The following PPP1R12B variants were observed in gnomAD, a reference collection of about 807,000 sequenced individuals.
The protein encoded by PPP1R12B is myosin phosphatase target subunit 2.
A neutral mutation model predicts 126.1 loss-of-function variants in PPP1R12B; 76 were observed. The observed-to-expected ratio is 0.60, with a 90% CI of 0.50 to 0.73. The LOEUF is 0.73. Among genes scored for constraint, PPP1R12B ranks in the 30% least tolerant of loss-of-function variants. The pLI is 0.00. For synonymous variants in PPP1R12B, 356 were observed against 434.7 expected (o/e 0.82, Z 2.25); for missense variants, 1,052 against 1,205.1 (o/e 0.87, Z 1.88).
chr1:202,524,455 G>A (rs1363845759), intron 18 of PPP1R12B, among the ~76,000 whole-genome samples: 1 of 151,972 alleles, frequency 6.6e-6, no homozygotes, highest in African/African-American at 2.4e-5. Flanking sequence ...TGAGATTTTG[G>A]TGCACCCATC....
At chr1:202,574,920 T>C (rs1558393306) in intron 23 of PPP1R12B, 3 of 1,311,826 alleles carry the variant, frequency 2.3e-6, no homozygotes, top group Non-Finnish European at 3.1e-6. Flanking sequence ...TGTGATTTCT[T>C]TGTCCTACTT....
At chr1:202,354,828 T>TG (rs1656748058) in intron 1 of PPP1R12B, among the ~76,000 whole-genome samples, 1 of 116,650 alleles carries the variant, frequency 8.6e-6, no homozygotes, top group Non-Finnish European at 1.9e-5. Flanking sequence ...TTTTTTTTGT[T>TG]GTTGTTTTTT....
At chr1:202,476,972 A>G (rs1361751293) in intron 13 of PPP1R12B, among the ~76,000 whole-genome samples, 2 of 152,108 alleles carry the variant, frequency 1.3e-5, no homozygotes, top group African/African-American at 4.8e-5. Flanking sequence ...GTTTTATTTT[A>G]CTTAGGTAAC....
At chr1:202,426,487 T>A (rs1246713532) in intron 4 of PPP1R12B, among the ~76,000 whole-genome samples, 2 of 152,090 alleles carry the variant, frequency 1.3e-5, no homozygotes, top group African/African-American at 4.8e-5. Context: ...TAGCAAAAAA[T>A]TGGAGATATG....
intron 13 of PPP1R12B, among the ~76,000 whole-genome samples, chr1:202,452,009 G>A (rs1221851390): frequency 1.3e-5 from 2 of 151,102 alleles, no homozygotes; most frequent in African/African-American, 2.4e-5. Flanking sequence ...GGGCAGAGAC[G>A]CTCCTCACCT....
intron 1 of PPP1R12B, among the ~76,000 whole-genome samples, chr1:202,405,188 T>C (rs992221051): frequency 6.6e-5 from 10 of 152,212 alleles, no homozygotes; most frequent in Admixed American, 6.5e-4. Context: ...TTAGACTTGA[T>C]GGACCCTCAG....
Position 202,588,824 on chromosome 1 carries a change from A to AAGATAGATT in PPP1R12B, c.*8272_*8273insTAGATAGAT, listed in dbSNP as rs1553332027. 1.4e-5 allele frequency: 2 copies of AAGATAGATT among 144,230 alleles called. No individual in the cohort carries two copies. The highest frequency in any genetic ancestry group is 4.5e-4 in the South Asian group (2 of 4,448). The allele number at this position is 144,230 out of a possible 1,614,324, so 8.9% of individuals were successfully genotyped here. A position where few individuals can be genotyped will look rare whatever the true frequency, so the allele number is the denominator to read the frequency against. On this transcript the variant is annotated 3_prime_UTR_variant, in exon 24 of 24. Coordinates refer to ENST00000608999, the MANE Select transcript of PPP1R12B (RefSeq NM_002481.4). Reference sequence around the variant, plus strand: ...CTAGATTGGCGTTCAAAAGAACCGTAAGATAGATAGATAGATAGATAGATA... The same window carrying AAGATAGATT: ...CTAGATTGGCGTTCAAAAGAACCGTAAGATAGATTAGATAGATAGATAGATAGATAGATA...
intron 2 of PPP1R12B, among the ~76,000 whole-genome samples, chr1:202,418,189 T>C (rs1571917541): frequency 6.6e-6 from 1 of 152,380 alleles, no homozygotes; most frequent in East Asian, 1.9e-4. Context: ...CTTAGTCTTA[T>C]CCAGTAACAT....
Position 202,348,986 on chromosome 1 carries a change from G to A in PPP1R12B, c.135G>A (p.Pro45=). The stretch of plus-strand genomic sequence containing the variant: ...AGCGACGAGGCGCGGGGCGGCAGCC[G>A]CTGACCAGGCGCGGGAGCCCCAGGG... ...PAERRGAGRQ[P]LTRRGSPRVR... is the part of the protein sequence containing the mutation. The change falls in exon 1 of 24, where the codon CCG becomes CCA. Residue 45 remains proline (P), a synonymous_variant. Transcript: ENST00000608999. The A allele has an allele frequency of 6.2e-7, 1 of 1,604,960 alleles. No individual in the cohort carries two copies. Among genetic ancestry groups the A allele is most frequent in the Non-Finnish European group, 8.5e-7 (1 of 1,176,424 alleles).
At chr1:202,421,803 C>T (rs1268962594) in intron 2 of PPP1R12B, among the ~76,000 whole-genome samples, 2 of 152,180 alleles carry the variant, frequency 1.3e-5, no homozygotes, top group African/African-American at 4.8e-5. Flanking sequence ...AGAGTTCTCA[C>T]TGGCCCAAAA....
rs146552164 is a variant in PPP1R12B at position 202,352,299 on chromosome 1, T to G, written c.291+3157T>G. On this transcript the variant is annotated intron_variant, in intron 1 of 23. Transcript: ENST00000608999. ...TAAGTTTGACTGTTAGCACCTATCT[T>G]GATATCCTTAGCATTATAATCTTAG... 2.0e-4 allele frequency among the ~76,000 whole-genome samples: 30 copies of G among 152,350 alleles called. No homozygotes were observed. In the East Asian group the frequency reaches 5.4e-3, roughly 27 times the overall value.
At chr1:202,494,699 C>G (rs1679318626) in intron 15 of PPP1R12B, among the ~76,000 whole-genome samples, 1 of 150,680 alleles carries the variant, frequency 6.6e-6, no homozygotes, top group Admixed American at 6.6e-5. Context: ...GAGCAAGACT[C>G]CGTCTCAAAA....
At chr1:202,415,992 C>T (rs1668007441) in intron 1 of PPP1R12B, among the ~76,000 whole-genome samples, 1 of 152,040 alleles carries the variant, frequency 6.6e-6, no homozygotes. Flanking sequence ...GACAGGGTCT[C>T]ACTATGTTAC....
intron 1 of PPP1R12B, among the ~76,000 whole-genome samples, chr1:202,412,583 T>G (rs1234123521): frequency 6.6e-6 from 1 of 152,212 alleles, no homozygotes; most frequent in African/African-American, 2.4e-5. Flanking sequence ...GTTTTTAGAT[T>G]GTTCTTTCAG....
intron 18 of PPP1R12B, 112 bp from the exon 19 acceptor site, chr1:202,558,765 T>A (rs192239770): frequency 1.5e-6 from 1 of 680,224 alleles, no homozygotes; most frequent in East Asian, 2.8e-5. Context: ...AGTTCAGCCA[T>A]CTGATTTGAA....
chr1:202,416,822 T>C lies in PPP1R12B; in HGVS notation c.327T>C (p.Phe109=), dbSNP rs1173893836. 4.3e-6 allele frequency: 7 copies of C among 1,613,802 alleles called. No individual in the cohort carries two copies. Among genetic ancestry groups the C allele is most frequent in the East Asian group, 2.2e-5 (1 of 44,892 alleles). ...CIDENLDMVK[F]LVENRANVNQ... is the part of the protein sequence containing the mutation. ...ATGAAAATTTGGACATGGTGAAGTT[T>C]CTGGTGGAGAACAGAGCCAATGTAA... The change falls in exon 2 of 24, where the codon TTT becomes TTC. Residue 109 remains phenylalanine, a synonymous_variant. Transcript: ENST00000608999.
intron 13 of PPP1R12B, among the ~76,000 whole-genome samples, chr1:202,468,734 A>T (rs1014143396): frequency 1.3e-5 from 2 of 152,142 alleles, no homozygotes; most frequent in Admixed American, 6.5e-5. Context: ...CGGGCGGATC[A>T]CCTGAGGTCA....
At chr1:202,414,868 G>T (rs1288180612) in intron 1 of PPP1R12B, among the ~76,000 whole-genome samples, 1 of 151,932 alleles carries the variant, frequency 6.6e-6, no homozygotes, top group Non-Finnish European at 1.5e-5. Flanking sequence ...CTGCAGCCTC[G>T]ACCTCCCAGG....
intron 8 of PPP1R12B, 32 bp downstream of exon 8, chr1:202,431,651 C>T (rs745349376): frequency 6.3e-6 from 10 of 1,583,882 alleles, no homozygotes; most frequent in Admixed American, 3.6e-5. Flanking sequence ...TGAAGATCCT[C>T]TATCTCCATA....
Sources: allele counts gnomAD v4.1 joint callset (sites outside exome capture counted in the v4.1 genomes callset), GRCh38; gene constraint gnomAD v4.1.1; transcripts MANE v1.5; gene names NCBI Gene and HGNC (gene_info 2026-07-23, HGNC 2026-07-21).